The following KCNQ5 variants were observed in gnomAD, a reference collection of about 807,000 sequenced individuals.
KCNQ5 encodes the protein potassium voltage-gated channel subfamily Q member 5, also known as potassium voltage-gated channel subfamily KQT member 5.
Under a neutral mutation model 98.2 loss-of-function variants are expected in KCNQ5, and 30 were observed. The ratio of observed to expected loss-of-function variants is 0.31; its 90% confidence interval spans 0.23 to 0.41. The LOEUF (loss-of-function observed/expected upper bound fraction) is 0.41. KCNQ5 is among the 10% of genes least tolerant of loss of function. The pLI, the probability that KCNQ5 is intolerant of heterozygous loss-of-function variation, is 1.00. For missense variants in KCNQ5, 835 were observed against 1,182.5 expected (o/e 0.71, Z 4.31); for synonymous variants, 458 against 449.4 (o/e 1.02, Z -0.24).
intron 1 of KCNQ5, among the ~76,000 whole-genome samples, chr6:72,873,849 T>C (rs2150165514): frequency 6.6e-6 from 1 of 152,184 alleles, no homozygotes; most frequent in Non-Finnish European, 1.5e-5. Context: ...TCTTCTCTTA[T>C]GTGCATATAA....
chr6:72,894,825 T>TA (rs1779182927), intron 1 of KCNQ5, among the ~76,000 whole-genome samples: 1 of 152,168 alleles, frequency 6.6e-6, no homozygotes, highest in South Asian at 2.1e-4. Context: ...TTGAGTCCTG[T>TA]ATGATAACTC....
At chr6:72,995,238 C>T (rs539646667) in intron 1 of KCNQ5, among the ~76,000 whole-genome samples, 121 of 152,004 alleles carry the variant, frequency 8.0e-4, no homozygotes, top group African/African-American at 2.8e-3. Context: ...CATGGTGGTG[C>T]ACGCCTGGAG....
chr6:73,194,344 T>G, intron 13 of KCNQ5, 108 bp from the exon 14 acceptor site: 1 of 948,494 alleles, frequency 1.1e-6, no homozygotes, highest in Admixed American at 2.7e-5. Context: ...TATTCAATAT[T>G]TCTTTAAATG....
intron 3 of KCNQ5, among the ~76,000 whole-genome samples, chr6:73,071,936 A>C (rs1362673283): frequency 2.0e-5 from 3 of 152,204 alleles, no homozygotes; most frequent in Admixed American, 6.5e-5. Flanking sequence ...ATTTTACTTT[A>C]TAACTTTAAA....
chr6:72,672,108 G>A (rs1488375230), intron 1 of KCNQ5, among the ~76,000 whole-genome samples: 3 of 148,620 alleles, frequency 2.0e-5, no homozygotes, highest in Admixed American at 6.7e-5. Context: ...GAGCCACGAC[G>A]CCTGGCCTAA....
intron 1 of KCNQ5, among the ~76,000 whole-genome samples, chr6:72,764,585 C>G (rs1772468830): frequency 6.6e-6 from 1 of 151,956 alleles, no homozygotes; most frequent in Non-Finnish European, 1.5e-5. Context: ...TCCATCCCCT[C>G]AAGCATTTAT....
chr6:72,659,531 A>C (rs1484189233), intron 1 of KCNQ5, among the ~76,000 whole-genome samples: 1 of 152,190 alleles, frequency 6.6e-6, no homozygotes, highest in African/African-American at 2.4e-5. Flanking sequence ...ACACCAGCAA[A>C]TTTGGTGTCT....
chr6:72,970,818 C>A (rs1207175125), intron 1 of KCNQ5, among the ~76,000 whole-genome samples: 1 of 152,134 alleles, frequency 6.6e-6, no homozygotes, highest in African/African-American at 2.4e-5. Flanking sequence ...GAAACTGGAT[C>A]CCTTCCTTAC....
At chr6:72,945,899 C>G (rs1007605004) in intron 1 of KCNQ5, among the ~76,000 whole-genome samples, 1 of 152,110 alleles carries the variant, frequency 6.6e-6, no homozygotes, top group Non-Finnish European at 1.5e-5. Context: ...CAAATTTTAA[C>G]ATTTAATCTC....
chr6:72,987,173 G>A (rs1333954924), intron 1 of KCNQ5: 1 of 680,670 alleles, frequency 1.5e-6, no homozygotes, highest in Admixed American at 2.0e-5. Flanking sequence ...AGTCCAAGAA[G>A]GTAGAGCAGC....
chr6:72,684,279 G>A (rs1240025940), intron 1 of KCNQ5, among the ~76,000 whole-genome samples: 1 of 152,084 alleles, frequency 6.6e-6, no homozygotes, highest in Non-Finnish European at 1.5e-5. Flanking sequence ...GGCATCCCAC[G>A]CTTCCCTGAC....
chr6:72,850,861 C>T (rs1014751096), intron 1 of KCNQ5, among the ~76,000 whole-genome samples: 2 of 152,176 alleles, frequency 1.3e-5, no homozygotes, highest in African/African-American at 4.8e-5. Context: ...ATCTCCTAAT[C>T]TCTCATTTCT....
chr6:72,692,376 C>T (rs941743714), intron 1 of KCNQ5, among the ~76,000 whole-genome samples: 14 of 152,210 alleles, frequency 9.2e-5, no homozygotes, highest in Non-Finnish European at 5.9e-5. Context: ...GTGCGAGAAA[C>T]ATCTGCCTGC....
intron 1 of KCNQ5, among the ~76,000 whole-genome samples, chr6:72,933,672 C>T (rs1765782193): frequency 6.6e-6 from 1 of 152,260 alleles, no homozygotes; most frequent in East Asian, 1.9e-4. Context: ...AAAAATCATG[C>T]TGCAAAAATA....
At chr6:73,158,950 CTT>C (rs1229248775) in intron 10 of KCNQ5, among the ~76,000 whole-genome samples, 2 of 152,174 alleles carry the variant, frequency 1.3e-5, no homozygotes, top group Non-Finnish European at 2.9e-5. Flanking sequence ...GGCATTGAAA[CTT>C]ATATAACTAT....
intron 1 of KCNQ5, among the ~76,000 whole-genome samples, chr6:72,932,268 G>A (rs1055726107): frequency 7.2e-5 from 11 of 152,152 alleles, no homozygotes; most frequent in Non-Finnish European, 1.3e-4. Context: ...GTGTGTGCGT[G>A]TGTGCGTGTG....
rs540264118 is a variant in KCNQ5, at chr6:72,826,593, G to A, written c.399-177315G>A. Among the ~76,000 whole-genome samples, 28 of 151,786 alleles carry A rather than the reference G, an allele frequency of 1.8e-4. 1 individual carries two copies. In the South Asian group the frequency reaches 5.6e-3, roughly 31 times the overall value. ...GTTCTTGGGTTTTAAAAAAATGTTT[G>A]TTTGACAAATAATAATTATACATTT... is the stretch of plus-strand genomic sequence containing the variant. On this transcript the variant is annotated intron_variant, in intron 1 of 13. Coordinates refer to ENST00000370398, the MANE Select transcript of KCNQ5 (RefSeq NM_019842.4).
At chr6:72,803,881 T>C (rs1027910169) in intron 1 of KCNQ5, among the ~76,000 whole-genome samples, 1 of 152,098 alleles carries the variant, frequency 6.6e-6, no homozygotes, top group Non-Finnish European at 1.5e-5. Context: ...TAATCTTCCT[T>C]TGAATAACTT....
intron 1 of KCNQ5, among the ~76,000 whole-genome samples, chr6:72,759,002 C>T (rs1772114431): frequency 6.6e-6 from 1 of 152,104 alleles, no homozygotes; most frequent in Admixed American, 6.6e-5. Flanking sequence ...TGAAACTACA[C>T]ATTTAGTAAA....
Sources: allele counts gnomAD v4.1 joint callset (sites outside exome capture counted in the v4.1 genomes callset), GRCh38; gene constraint gnomAD v4.1.1; transcripts MANE v1.5; gene names NCBI Gene and HGNC (gene_info 2026-07-23, HGNC 2026-07-21).